MAML2: variants seen among roughly 807,000 people sequenced by gnomAD.
MAML2 encodes mastermind-like protein 2.
MAML2 carries 22 observed loss-of-function variants against 96.1 expected under a neutral mutation model. The ratio of observed to expected loss-of-function variants is 0.23; its 90% CI spans 0.16 to 0.33. The LOEUF is 0.33. Among genes scored for constraint, MAML2 ranks in the 10% least tolerant of loss-of-function variants. The pLI is 1.00. For missense variants in MAML2, 1,367 were observed against 1,392.4 expected (o/e 0.98, Z 0.29); for synonymous variants, 561 against 521.3 (o/e 1.08, Z -1.04).
chr11:96,263,248 T>G (rs574409540), intron 1 of MAML2, among the ~76,000 whole-genome samples: 112 of 152,380 alleles, frequency 7.4e-4, no homozygotes, highest in African/African-American at 2.6e-3. Flanking sequence ...CAGGTATGTT[T>G]TGAATACACT....
chr11:96,278,873 T>G (rs1169291653), intron 1 of MAML2, among the ~76,000 whole-genome samples: 1 of 152,130 alleles, frequency 6.6e-6, no homozygotes, highest in African/African-American at 2.4e-5. Context: ...GTAGGATAAC[T>G]GCGGGGGGTA....
intron 1 of MAML2, among the ~76,000 whole-genome samples, chr11:96,173,216 A>C (rs1179682640): frequency 1.3e-5 from 2 of 152,226 alleles, no homozygotes; most frequent in African/African-American, 4.8e-5. Flanking sequence ...CTTGGAGGAA[A>C]TGTTTCACCA....
intron 1 of MAML2, among the ~76,000 whole-genome samples, chr11:96,326,093 C>CT (rs1863773156): frequency 1.2e-5 from 1 of 81,222 alleles, no homozygotes; most frequent in Non-Finnish European, 2.1e-5. Flanking sequence ...CTGTCTACCC[C>CT]GCCCCCCCCC....
At chr11:96,199,842 G>A (rs1435124389) in intron 1 of MAML2, among the ~76,000 whole-genome samples, 8 of 152,112 alleles carry the variant, frequency 5.3e-5, no homozygotes, top group Non-Finnish European at 1.2e-4. Flanking sequence ...AAAAGTTTCC[G>A]CATTTTCTAT....
chr11:96,093,110 C>G lies in MAML2; in HGVS notation c.921G>C (p.Gln307His), dbSNP rs1343567552. 6.2e-7 allele frequency: 1 copy of G among 1,613,868 alleles called. No homozygotes were observed. The highest frequency in any genetic ancestry group is 1.7e-5 in the Admixed American group (1 of 60,006). The change falls in exon 2 of 5, where the codon CAG (glutamine) becomes CAC (histidine). Residue 307 changes from glutamine (Q) to histidine (H), a missense_variant. Physicochemically the swap from Gln to His is conservative, Grantham distance 24. Coordinates refer to ENST00000524717, the MANE Select transcript of MAML2 (RefSeq NM_032427.4). The stretch of plus-strand genomic sequence containing the variant: ...TGTTGGTCAGTTCATTGAACAGTTC[C>G]TGCAGCTCAGGATCCATCAGTTGTT... ...PGEQLMDPEL[Q>H]ELFNELTNIS...
chr11:96,147,638 T>C (rs908781382), intron 1 of MAML2, among the ~76,000 whole-genome samples: 2 of 152,238 alleles, frequency 1.3e-5, no homozygotes, highest in African/African-American at 2.4e-5. Flanking sequence ...CAAAGACAAT[T>C]TAACTAAAAC....
intron 1 of MAML2, among the ~76,000 whole-genome samples, chr11:96,105,923 C>G (rs1860014755): frequency 6.6e-6 from 1 of 151,458 alleles, no homozygotes; most frequent in African/African-American, 2.4e-5. Context: ...GCCTTTCATG[C>G]CTGGAAATGA....
At position 96,037,693 on chromosome 11, in the gene MAML2, G is replaced by A. The variant is rs552184083; in HGVS notation, c.2140-45970C>T. Among the ~76,000 whole-genome samples, 3 of 152,314 alleles carry A rather than the reference G, an allele frequency of 2.0e-5. No homozygotes were observed. In the South Asian group the frequency reaches 6.2e-4, roughly 32 times the overall value. On this transcript the variant is annotated intron_variant, in intron 2 of 4. Transcript: ENST00000524717. ...ACAGGTTAGAACCAGCAATTGGCTG[G>A]ATCTTTTCTCCCAGAGGGAGCTGTG...
chr11:96,052,878 G>C (rs1287957984), intron 2 of MAML2, among the ~76,000 whole-genome samples: 1 of 152,208 alleles, frequency 6.6e-6, no homozygotes, highest in Non-Finnish European at 1.5e-5. Context: ...ATGAAGCCTA[G>C]AGCCAGAAAC....
At chr11:96,256,948 G>A (rs549920380) in intron 1 of MAML2, among the ~76,000 whole-genome samples, 15 of 152,290 alleles carry the variant, frequency 9.8e-5, no homozygotes, top group Admixed American at 5.9e-4. Context: ...ACTTTGGGTA[G>A]TAGCAATCTC....
intron 1 of MAML2, among the ~76,000 whole-genome samples, chr11:96,146,034 G>A (rs979376190): frequency 1.3e-5 from 2 of 152,198 alleles, no homozygotes; most frequent in Middle Eastern, 3.4e-3. Flanking sequence ...ATACTTACAC[G>A]TGTGTGTGCC....
intron 1 of MAML2, among the ~76,000 whole-genome samples, chr11:96,214,661 T>C (rs1243917262): frequency 1.3e-5 from 2 of 152,206 alleles, no homozygotes; most frequent in Non-Finnish European, 2.9e-5. Context: ...TCATGCGAAA[T>C]ACACCACACA....
chr11:96,274,039 C>T (rs1433134939), intron 1 of MAML2, among the ~76,000 whole-genome samples: 1 of 148,254 alleles, frequency 6.7e-6, no homozygotes, highest in African/African-American at 2.5e-5. Context: ...TCATTTATTC[C>T]TAGTTCTTTT....
At chr11:96,253,820 A>G (rs922511387) in intron 1 of MAML2, among the ~76,000 whole-genome samples, 4 of 152,192 alleles carry the variant, frequency 2.6e-5, no homozygotes, top group African/African-American at 9.7e-5. Flanking sequence ...TTACAATTAG[A>G]TGGAAACATC....
At chr11:96,326,358 C>CGTGTGTGTGTGT (rs35138919) in intron 1 of MAML2, among the ~76,000 whole-genome samples, 2 of 147,754 alleles carry the variant, frequency 1.4e-5, no homozygotes, top group African/African-American at 5.1e-5. Flanking sequence ...CACACTAAAG[C>CGTGTGTGTGTGT]GTGTGTGTGT....
chr11:96,268,771 C>A (rs373138519), intron 1 of MAML2, among the ~76,000 whole-genome samples: 1 of 108,136 alleles, frequency 9.2e-6, no homozygotes, highest in Non-Finnish European at 1.8e-5. Context: ...CCCCTGCACA[C>A]GATCTGTTGT....
chr11:96,191,216 A>T (rs1230296761), intron 1 of MAML2, among the ~76,000 whole-genome samples: 1 of 152,214 alleles, frequency 6.6e-6, no homozygotes, highest in East Asian at 1.9e-4. Flanking sequence ...CTGTAATCCC[A>T]GCACTTTGGG....
chr11:96,150,855 A>G (rs750365679), intron 1 of MAML2, among the ~76,000 whole-genome samples: 4 of 151,920 alleles, frequency 2.6e-5, no homozygotes, highest in Non-Finnish European at 5.9e-5. Flanking sequence ...CCATTACAGC[A>G]TTTTTCTGAA....
intron 1 of MAML2, among the ~76,000 whole-genome samples, chr11:96,328,301 C>G (rs1863811978): frequency 6.6e-6 from 1 of 151,888 alleles, no homozygotes; most frequent in Non-Finnish European, 1.5e-5. Context: ...CCTAAAATTC[C>G]AGCAAATCTT....
Sources: allele counts gnomAD v4.1 joint callset (sites outside exome capture counted in the v4.1 genomes callset), GRCh38; gene constraint gnomAD v4.1.1; transcripts MANE v1.5; gene names NCBI Gene and HGNC (gene_info 2026-07-23, HGNC 2026-07-21).